PTPRD: variants seen among roughly 807,000 people sequenced by gnomAD.
PTPRD encodes the protein receptor-type tyrosine-protein phosphatase delta.
A neutral mutation model predicts 214.5 loss-of-function variants in PTPRD; 34 were observed. The observed-to-expected ratio is 0.16, with a 90% confidence interval of 0.12 to 0.21. The LOEUF (loss-of-function observed/expected upper bound fraction) is 0.21. Among genes scored for constraint, PTPRD ranks in the 10% least tolerant of loss-of-function variants. The probability of loss-of-function intolerance (pLI) is 1.00; values close to 1 mark genes in which losing one functional copy is unlikely to be tolerated. For synonymous variants in PTPRD, 1,128 were observed against 845.7 expected (o/e 1.33, Z -5.79); for missense variants, 2,545 against 2,398.7 (o/e 1.06, Z -1.27).
At chr9:8,761,519 T>A (rs1275556542) in intron 11 of PTPRD, among the ~76,000 whole-genome samples, 1 of 152,148 alleles carries the variant, frequency 6.6e-6, no homozygotes, top group African/African-American at 2.4e-5. Context: ...GATAGATGCT[T>A]TTTCATGAGA....
chr9:10,065,503 C>A (rs2097861259), intron 3 of PTPRD, among the ~76,000 whole-genome samples: 1 of 151,584 alleles, frequency 6.6e-6, no homozygotes, highest in South Asian at 2.1e-4. Flanking sequence ...ACCACTAGAC[C>A]ATTTGATTTT....
intron 10 of PTPRD, among the ~76,000 whole-genome samples, chr9:9,030,653 A>G (rs918452899): frequency 1.3e-5 from 2 of 151,922 alleles, no homozygotes; most frequent in African/African-American, 4.8e-5. Flanking sequence ...CCAAGAATCC[A>G]TATGTCATCA....
Position 9,002,930 on chromosome 9 carries a change from G to T in PTPRD, c.-104+15767C>A, listed in dbSNP as rs979819728. Among the ~76,000 whole-genome samples the T allele has an allele frequency of 2.6e-5, 4 of 152,106 alleles. No individual in the cohort carries two copies. In the East Asian group the frequency reaches 7.7e-4, roughly 29 times the overall value. The stretch of plus-strand genomic sequence containing the variant: ...TGTTGGACCAAGCTCTTACTGGCTT[G>T]CAATAGCCTGTTGTTAAATGTTCAA... On this transcript the variant is annotated intron_variant, in intron 11 of 45. Coordinates refer to ENST00000381196, the MANE Select transcript of PTPRD (RefSeq NM_002839.4).
intron 10 of PTPRD, among the ~76,000 whole-genome samples, chr9:9,062,821 C>G (rs557129967): frequency 6.6e-6 from 1 of 152,202 alleles, no homozygotes; most frequent in South Asian, 2.1e-4. Context: ...TAATAGGCAC[C>G]ATGTGGCCTA....
chr9:8,503,032 A>AT (rs1487372578), intron 23 of PTPRD, among the ~76,000 whole-genome samples: 1 of 152,072 alleles, frequency 6.6e-6, no homozygotes, highest in Non-Finnish European at 1.5e-5. Flanking sequence ...GAACGCATTA[A>AT]TTTACATGCT....
At chr9:10,171,009 T>C (rs556874242) in intron 3 of PTPRD, among the ~76,000 whole-genome samples, 69 of 152,318 alleles carry the variant, frequency 4.5e-4, no homozygotes, top group African/African-American at 1.5e-3. Context: ...TCTAGCACCA[T>C]TACAATTTGG....
intron 8 of PTPRD, among the ~76,000 whole-genome samples, chr9:9,534,009 G>C (rs1228288199): frequency 6.6e-6 from 1 of 151,898 alleles, no homozygotes; most frequent in Non-Finnish European, 1.5e-5. Context: ...ATAAACAGTG[G>C]CATAGGCACA....
chr9:9,284,585 G>T (rs996030252), intron 9 of PTPRD, among the ~76,000 whole-genome samples: 1 of 151,724 alleles, frequency 6.6e-6, no homozygotes, highest in African/African-American at 2.4e-5. Context: ...GTCCCTCAGA[G>T]AAGTTTTTGA....
chr9:8,569,957 A>G (rs991510323), intron 14 of PTPRD, among the ~76,000 whole-genome samples: 1 of 152,190 alleles, frequency 6.6e-6, no homozygotes, highest in African/African-American at 2.4e-5. Flanking sequence ...ACATTTGGGT[A>G]CATAATGCGG....
intron 2 of PTPRD, among the ~76,000 whole-genome samples, chr9:10,578,667 G>A (rs796510840): frequency 7.9e-5 from 12 of 152,232 alleles, no homozygotes; most frequent in African/African-American, 2.6e-4. Context: ...ATGCCCAAAA[G>A]TATTGTGTGA....
intron 8 of PTPRD, among the ~76,000 whole-genome samples, chr9:9,465,948 C>G (rs1000907641): frequency 8.8e-6 from 1 of 114,282 alleles, no homozygotes; most frequent in Admixed American, 9.7e-5. Flanking sequence ...ACAAATTGTG[C>G]TTATTTTTTG....
intron 2 of PTPRD, among the ~76,000 whole-genome samples, chr9:10,362,794 C>T (rs1961193): frequency 0.41 from 62,150 of 151,962 alleles, 16,179 homozygotes; most frequent in Non-Finnish European, 0.59. Flanking sequence ...GCAGAAGAAT[C>T]GCTTGAACCC....
chr9:8,577,259 A>G (rs542076721), intron 14 of PTPRD, among the ~76,000 whole-genome samples: 15 of 151,840 alleles, frequency 9.9e-5, no homozygotes, highest in East Asian at 5.8e-4. Flanking sequence ...TTGTTTATTT[A>G]TTTATTTATT....
chr9:8,646,414 T>C (rs2096692385), intron 12 of PTPRD, among the ~76,000 whole-genome samples: 1 of 152,206 alleles, frequency 6.6e-6, no homozygotes, highest in South Asian at 2.1e-4. Flanking sequence ...CCAGAAATAC[T>C]GTTTGGCCTT....
chr9:8,948,473 A>ATATT (rs1555575514), intron 11 of PTPRD, among the ~76,000 whole-genome samples: 3 of 22,390 alleles, frequency 1.3e-4, no homozygotes, highest in African/African-American at 4.0e-4. Flanking sequence ...ATTTACATAT[A>ATATT]TATATATTTA....
chr9:9,650,757 A>G (rs1594224035), intron 7 of PTPRD, among the ~76,000 whole-genome samples: 1 of 152,128 alleles, frequency 6.6e-6, no homozygotes, highest in South Asian at 2.1e-4. Flanking sequence ...ACAAAGCTGC[A>G]CATGTACCTC....
chr9:8,671,678 G>T (rs959680982), intron 12 of PTPRD, among the ~76,000 whole-genome samples: 2 of 152,042 alleles, frequency 1.3e-5, no homozygotes, highest in African/African-American at 2.4e-5. Flanking sequence ...ATTTAAAGAG[G>T]CATAGACCTA....
At chr9:9,230,396 T>G (rs2099962365) in intron 9 of PTPRD, among the ~76,000 whole-genome samples, 1 of 152,144 alleles carries the variant, frequency 6.6e-6, no homozygotes, top group Non-Finnish European at 1.5e-5. Context: ...CTCTTCCATC[T>G]GGCTGTTCCT....
At chr9:8,583,078 A>T (rs1005290474) in intron 14 of PTPRD, among the ~76,000 whole-genome samples, 2 of 152,172 alleles carry the variant, frequency 1.3e-5, no homozygotes, top group African/African-American at 4.8e-5. Context: ...CCAAGATGAA[A>T]CTGTTCCACC....
Sources: gnomAD v4.1 joint callset for allele counts (sites outside exome capture counted in the v4.1 genomes callset) on GRCh38, gnomAD v4.1.1 for gene constraint, MANE v1.5 for transcripts, NCBI Gene and HGNC (gene_info 2026-07-23, HGNC 2026-07-21) for gene names.